The following PABPC4L variants were observed in gnomAD, a reference collection of about 807,000 sequenced individuals.
The protein encoded by PABPC4L is poly(A) binding protein cytoplasmic 4 like.
For missense variants in PABPC4L, 452 were observed against 451.4 expected, an observed-to-expected ratio of 1.00 and a Z score of -0.01; for synonymous variants, 169 against 164.1, an observed-to-expected ratio of 1.03 and a Z score of -0.23.
At chr4:134,146,334 AT>A in the PABPC4L span, among the ~76,000 whole-genome samples, 24 of 116,344 alleles carry the variant, frequency 2.1e-4, no homozygotes, top group Admixed American at 3.0e-4. Flanking sequence ...AAAAAATTCA[AT>A]ACAGTGATTT....
At chr4:134,177,654 A>C in the PABPC4L span, among the ~76,000 whole-genome samples, 1 of 152,148 alleles carries the variant, frequency 6.6e-6, no homozygotes, top group East Asian at 1.9e-4. Context: ...TGGTAAGCAC[A>C]ACTTCTATGT....
the PABPC4L span, among the ~76,000 whole-genome samples, chr4:134,009,419 C>T: frequency 5.3e-5 from 8 of 151,894 alleles, no homozygotes; most frequent in African/African-American, 1.4e-4. Context: ...GATAGCACAA[C>T]CTCTATGGTC....
chr4:133,981,111 A>T, the PABPC4L span, among the ~76,000 whole-genome samples: 3 of 152,092 alleles, frequency 2.0e-5, no homozygotes, highest in Non-Finnish European at 4.4e-5. Flanking sequence ...CAGTGAGTGG[A>T]GATCGTGCCA....
At chr4:134,085,476 C>G in the PABPC4L span, among the ~76,000 whole-genome samples, 1 of 151,918 alleles carries the variant, frequency 6.6e-6, no homozygotes, top group Non-Finnish European at 1.5e-5. Flanking sequence ...GTCACAAATC[C>G]TAAGTGCACA....
At chr4:134,050,719 A>G in the PABPC4L span, among the ~76,000 whole-genome samples, 3 of 151,086 alleles carry the variant, frequency 2.0e-5, no homozygotes, top group African/African-American at 7.3e-5. Context: ...AAAAAAAAAA[A>G]AAAAAAAAGT....
the PABPC4L span, among the ~76,000 whole-genome samples, chr4:133,964,493 A>G: frequency 6.6e-6 from 1 of 152,128 alleles, no homozygotes; most frequent in Non-Finnish European, 1.5e-5. Context: ...CCTAATACCC[A>G]AATTAGGAAA....
the PABPC4L span, among the ~76,000 whole-genome samples, chr4:134,061,471 AG>A: frequency 6.6e-6 from 1 of 152,028 alleles, no homozygotes; most frequent in Non-Finnish European, 1.5e-5. Context: ...GCAGAAGAGA[AG>A]AAAGTTTTAA....
chr4:134,166,287 A>T, the PABPC4L span, among the ~76,000 whole-genome samples: 2 of 152,234 alleles, frequency 1.3e-5, no homozygotes, highest in African/African-American at 2.4e-5. Flanking sequence ...GACATAAATA[A>T]ATAAATGAAT....
chr4:134,108,521 G>A, the PABPC4L span, among the ~76,000 whole-genome samples: 1 of 151,854 alleles, frequency 6.6e-6, no homozygotes, highest in South Asian at 2.1e-4. Flanking sequence ...ATGAAGGACT[G>A]AAGAATCCAC....
At chr4:134,003,658 T>C in the PABPC4L span, among the ~76,000 whole-genome samples, 1 of 151,942 alleles carries the variant, frequency 6.6e-6, no homozygotes. Flanking sequence ...CATGCCCATG[T>C]TCAGGGAGTT....
the PABPC4L span, among the ~76,000 whole-genome samples, chr4:134,098,931 C>T: frequency 6.6e-6 from 1 of 151,568 alleles, no homozygotes; most frequent in Admixed American, 6.6e-5. Flanking sequence ...GAGTTCAGTA[C>T]GTGGAGCTTT....
rs1171766585 is a variant in PABPC4L, at chr4:134,200,115, T to G, written c.905A>C (p.Asp302Ala). 1.3e-6 allele frequency: 2 copies of G among 1,551,536 alleles called. No homozygotes were observed. The highest frequency in any genetic ancestry group is 1.7e-6 in the Non-Finnish European group (2 of 1,146,970). ...TCGTAGTTTTTCATCATCGATGGTG[T>G]CATCAAGGTTCTTAATATAGAGTTT... ...GVKLYIKNLD[D>A]TIDDEKLRNE... The change falls in exon 2 of 2, where the codon GAC becomes GCC. Residue 302 changes from aspartate (D) to alanine (A), a missense_variant. By Grantham distance (126) the Asp-to-Ala change is moderately radical. Transcript: ENST00000421491.
At chr4:134,006,525 G>A in the PABPC4L span, among the ~76,000 whole-genome samples, 1 of 151,810 alleles carries the variant, frequency 6.6e-6, no homozygotes, top group African/African-American at 2.4e-5. Context: ...AGCTACTTTT[G>A]TCTCTTTCTG....
the PABPC4L span, among the ~76,000 whole-genome samples, chr4:134,031,845 G>C: frequency 6.6e-6 from 1 of 151,838 alleles, no homozygotes; most frequent in South Asian, 2.1e-4. Flanking sequence ...ATGAATAAAT[G>C]CTTCTAAGAA....
the PABPC4L span, among the ~76,000 whole-genome samples, chr4:134,154,443 C>G: frequency 3.3e-5 from 5 of 152,002 alleles, no homozygotes; most frequent in Non-Finnish European, 7.4e-5. Flanking sequence ...GCAACAGAGC[C>G]AGACTCTGTT....
the PABPC4L span, among the ~76,000 whole-genome samples, chr4:133,969,807 C>G: frequency 6.6e-6 from 1 of 152,100 alleles, no homozygotes; most frequent in Non-Finnish European, 1.5e-5. Context: ...ACCAAACACA[C>G]AAACAAAAAC....
At chr4:134,185,994 T>C in the PABPC4L span, among the ~76,000 whole-genome samples, 2 of 152,104 alleles carry the variant, frequency 1.3e-5, no homozygotes, top group South Asian at 4.1e-4. Flanking sequence ...GTGAAGGACC[T>C]CTTCAAGGAG....
the PABPC4L span, among the ~76,000 whole-genome samples, chr4:133,965,368 C>G: frequency 6.6e-6 from 1 of 151,946 alleles, no homozygotes; most frequent in Non-Finnish European, 1.5e-5. Flanking sequence ...TGGGTAGAAT[C>G]AATAGTGTGA....
At chr4:134,051,020 C>G in the PABPC4L span, among the ~76,000 whole-genome samples, 1 of 151,448 alleles carries the variant, frequency 6.6e-6, no homozygotes, top group African/African-American at 2.4e-5. Context: ...ATATTTAAAT[C>G]CATTTTGCTC....
Sources: allele counts gnomAD v4.1 joint callset (sites outside exome capture counted in the v4.1 genomes callset), GRCh38; gene constraint gnomAD v4.1.1; transcripts MANE v1.5; gene names NCBI Gene and HGNC (gene_info 2026-07-23, HGNC 2026-07-21).